Variants in ACER3 observed in about 807,000 individuals in gnomAD.
The protein encoded by ACER3 is alkCDase 3.
A neutral mutation model predicts 48.9 loss-of-function variants in ACER3; 16 were observed. That is an observed-to-expected ratio of 0.33 (90% CI 0.22 to 0.50). The LOEUF is 0.50. ACER3 is among the 20% of genes least tolerant of loss of function. The probability of loss-of-function intolerance (pLI) is 0.98; values close to 1 mark genes in which losing one functional copy is unlikely to be tolerated. For synonymous variants in ACER3, 109 were observed against 107.8 expected (o/e 1.01, Z -0.07); for missense variants, 227 against 326.0 (o/e 0.70, Z 2.34).
chr11:76,916,453 A>T (rs1946531399), intron 1 of ACER3, among the ~76,000 whole-genome samples: 1 of 152,216 alleles, frequency 6.6e-6, no homozygotes, highest in African/African-American at 2.4e-5. Flanking sequence ...AGTCATAAAT[A>T]TCAGTTGATC....
At chr11:76,915,445 C>T (rs571516110) in intron 1 of ACER3, among the ~76,000 whole-genome samples, 9 of 152,140 alleles carry the variant, frequency 5.9e-5, no homozygotes, top group African/African-American at 2.2e-4. Context: ...CCCACCCCCC[C>T]GAGATCGTAC....
At chr11:76,915,663 AC>A (rs1284408745) in intron 1 of ACER3, among the ~76,000 whole-genome samples, 7 of 152,216 alleles carry the variant, frequency 4.6e-5, no homozygotes, top group African/African-American at 1.7e-4. Flanking sequence ...ATAAAGAAAT[AC>A]CTGAGACTGG....
intron 1 of ACER3, among the ~76,000 whole-genome samples, chr11:76,914,885 G>A (rs566112198): frequency 0.024 from 3,619 of 152,198 alleles, 151 homozygotes; most frequent in African/African-American, 0.083. Flanking sequence ...GGATGAGTTC[G>A]TGTCCTTTGT....
chr11:77,020,135 C>A, intron 10 of ACER3, 139 bp from the exon 11 acceptor site: 2 of 764,966 alleles, frequency 2.6e-6, no homozygotes, highest in Non-Finnish European at 4.3e-6. Context: ...ATAAACTGTG[C>A]TCAGGCTGCT....
At chr11:76,871,357 G>A (rs1945236127) in intron 1 of ACER3, among the ~76,000 whole-genome samples, 1 of 152,198 alleles carries the variant, frequency 6.6e-6, no homozygotes, top group Non-Finnish European at 1.5e-5. Flanking sequence ...GCCTAAGGTG[G>A]TTGGGTTACA....
intron 2 of ACER3, among the ~76,000 whole-genome samples, chr11:76,942,330 A>G (rs1341940800): frequency 6.6e-6 from 1 of 151,918 alleles, no homozygotes; most frequent in African/African-American, 2.4e-5. Context: ...TATTATGTTG[A>G]TATATGTTCC....
chr11:76,871,010 C>T (rs540441966), intron 1 of ACER3, among the ~76,000 whole-genome samples: 1 of 152,288 alleles, frequency 6.6e-6, no homozygotes, highest in South Asian at 2.1e-4. Context: ...CGACTCTTAA[C>T]TTAGGTTCTG....
At chr11:76,982,823 T>C (rs1948613623) in intron 4 of ACER3, among the ~76,000 whole-genome samples, 1 of 152,232 alleles carries the variant, frequency 6.6e-6, no homozygotes, top group African/African-American at 2.4e-5. Context: ...ATGATCTATT[T>C]TGAGTTAGTT....
At chr11:76,867,312 T>C (rs1253487084) in intron 1 of ACER3, among the ~76,000 whole-genome samples, 1 of 151,382 alleles carries the variant, frequency 6.6e-6, no homozygotes, top group African/African-American at 2.4e-5. Flanking sequence ...CTACTAAAAA[T>C]ACAAAAATTT....
chr11:76,863,366 ACT>A (rs919737871), intron 1 of ACER3, among the ~76,000 whole-genome samples: 2 of 152,160 alleles, frequency 1.3e-5, no homozygotes, highest in Non-Finnish European at 2.9e-5. Flanking sequence ...AGAAGAGGAA[ACT>A]CTGAGCAGAC....
chr11:76,882,807 T>G (rs1225209781), intron 1 of ACER3, among the ~76,000 whole-genome samples: 1 of 152,252 alleles, frequency 6.6e-6, no homozygotes, highest in African/African-American at 2.4e-5. Flanking sequence ...TGACTTGACT[T>G]GAACTGTATG....
intron 4 of ACER3, among the ~76,000 whole-genome samples, chr11:76,984,156 C>T (rs1437069894): frequency 6.6e-6 from 1 of 152,084 alleles, no homozygotes; most frequent in Non-Finnish European, 1.5e-5. Flanking sequence ...ACTGGAAAAC[C>T]TCCTTTATTT....
chr11:76,958,861 G>A lies in ACER3; in HGVS notation c.215-118G>A. On this transcript the variant is annotated intron_variant, in intron 2 of 10. Coordinates refer to ENST00000532485, the MANE Select transcript of ACER3 (RefSeq NM_018367.7). ...AAGAGTCAGCTATATCTTGCCACTA[G>A]ATTTTATAAACTTCATTATCCTTAA... is the stretch of plus-strand genomic sequence containing the variant. 4 of 1,162,160 alleles carry A rather than the reference G, an allele frequency of 3.4e-6. No homozygotes were observed. The South Asian group carries it at 4.2e-5, about 12-fold the overall frequency. The allele number at this position is 1,162,160 out of a possible 1,614,324, so 72.0% of individuals were successfully genotyped here.
At chr11:77,016,267 A>G (rs552661233) in intron 8 of ACER3, among the ~76,000 whole-genome samples, 3 of 152,248 alleles carry the variant, frequency 2.0e-5, no homozygotes, top group African/African-American at 7.2e-5. Flanking sequence ...AAAGTATGAG[A>G]AATTTGGAAC....
At chr11:76,980,559 C>T (rs891234985) in intron 4 of ACER3, among the ~76,000 whole-genome samples, 1 of 152,110 alleles carries the variant, frequency 6.6e-6, no homozygotes, top group Non-Finnish European at 1.5e-5. Context: ...CACCTCTGTC[C>T]CAGCTACACA....
At chr11:76,884,461 C>G (rs112971863) in intron 1 of ACER3, among the ~76,000 whole-genome samples, 1 of 151,020 alleles carries the variant, frequency 6.6e-6, no homozygotes, top group Admixed American at 6.6e-5. Flanking sequence ...AAAAGTCCCC[C>G]AAATCATTGT....
intron 3 of ACER3, among the ~76,000 whole-genome samples, chr11:76,963,172 G>C (rs1466867883): frequency 6.6e-6 from 1 of 151,268 alleles, no homozygotes; most frequent in Non-Finnish European, 1.5e-5. Context: ...CCCCTTTTCA[G>C]ACATGTACAC....
chr11:76,969,395 CGAG>C, intron 3 of ACER3, among the ~76,000 whole-genome samples: 1 of 152,192 alleles, frequency 6.6e-6, no homozygotes, highest in South Asian at 2.1e-4. Flanking sequence ...GGCGATTCCT[CGAG>C]GATCTAGAAC....
intron 3 of ACER3, among the ~76,000 whole-genome samples, chr11:76,971,969 C>T (rs1300684920): frequency 2.6e-5 from 4 of 152,208 alleles, no homozygotes; most frequent in African/African-American, 4.8e-5. Context: ...TTTATTTCCT[C>T]TACAGATGCA....
Sources: gnomAD v4.1 joint callset for allele counts (sites outside exome capture counted in the v4.1 genomes callset) on GRCh38, gnomAD v4.1.1 for gene constraint, MANE v1.5 for transcripts, NCBI Gene and HGNC (gene_info 2026-07-23, HGNC 2026-07-21) for gene names.